CLEC16A: variants seen among roughly 807,000 people sequenced by gnomAD.
CLEC16A encodes C-type lectin domain containing 16A.
CLEC16A carries 51 observed loss-of-function variants against 109.5 expected under a neutral mutation model. The observed-to-expected ratio is 0.47, with a 90% CI of 0.37 to 0.59. CLEC16A has a LOEUF of 0.59. Among genes scored for constraint, CLEC16A ranks in the 20% least tolerant of loss-of-function variants. The probability of loss-of-function intolerance (pLI) is 0.00; values close to 1 mark genes in which losing one functional copy is unlikely to be tolerated. For missense variants in CLEC16A, 1,339 were observed against 1,394.0 expected, an observed-to-expected ratio of 0.96 and a Z score of 0.63; for synonymous variants, 673 against 564.2, an observed-to-expected ratio of 1.19 and a Z score of -2.73.
chr16:10,995,660 C>G (rs2044282864), intron 10 of CLEC16A, among the ~76,000 whole-genome samples: 1 of 152,184 alleles, frequency 6.6e-6, no homozygotes, highest in African/African-American at 2.4e-5. Context: ...CACACTACCC[C>G]CATGGTGGCG....
At chr16:11,054,392 G>T (rs532761502) in intron 18 of CLEC16A, among the ~76,000 whole-genome samples, 4 of 152,230 alleles carry the variant, frequency 2.6e-5, no homozygotes, top group African/African-American at 7.2e-5. Context: ...GGCAGGTCTC[G>T]ATGATAGTCT....
chr16:11,032,322 G>A (rs1055784565), intron 13 of CLEC16A, among the ~76,000 whole-genome samples: 3 of 152,310 alleles, frequency 2.0e-5, no homozygotes, highest in Non-Finnish European at 2.9e-5. Flanking sequence ...CCTATGAGCC[G>A]TGTGGGGCTG....
intron 3 of CLEC16A, among the ~76,000 whole-genome samples, chr16:10,963,066 CA>C (rs1206248363): frequency 1.3e-5 from 2 of 148,876 alleles, no homozygotes; most frequent in Non-Finnish European, 1.5e-5. Context: ...CCAACAACAA[CA>C]AAAAAAAAAG....
chr16:10,995,494 C>T (rs1275371689), intron 10 of CLEC16A, among the ~76,000 whole-genome samples: 1 of 152,196 alleles, frequency 6.6e-6, no homozygotes, highest in Non-Finnish European at 1.5e-5. Flanking sequence ...TTGCTGGGAG[C>T]TTGGGAGTCA....
chr16:10,980,385 G>A (rs1596859800), intron 9 of CLEC16A, among the ~76,000 whole-genome samples: 1 of 152,120 alleles, frequency 6.6e-6, no homozygotes, highest in African/African-American at 2.4e-5. Context: ...TCTCCTGGCA[G>A]CTTTTTTCTG....
chr16:11,171,004 AC>A (rs2068488202), intron 23 of CLEC16A, among the ~76,000 whole-genome samples: 1 of 152,076 alleles, frequency 6.6e-6, no homozygotes, highest in Non-Finnish European at 1.5e-5. Flanking sequence ...ACATGAGGCC[AC>A]CAGGGTCCCA....
chr16:11,135,305 G>C (rs1202381038), intron 22 of CLEC16A, among the ~76,000 whole-genome samples: 1 of 152,170 alleles, frequency 6.6e-6, no homozygotes, highest in Non-Finnish European at 1.5e-5. Flanking sequence ...AGAGCCTCAG[G>C]GAATCTGGAG....
chr16:11,052,808 T>TC (rs1162621685), intron 18 of CLEC16A, among the ~76,000 whole-genome samples: 1 of 152,058 alleles, frequency 6.6e-6, no homozygotes, highest in Admixed American at 6.5e-5. Context: ...ACCTGGGAGA[T>TC]CCCCCCGCAC....
chr16:11,158,756 C>G (rs1306021472), intron 22 of CLEC16A, among the ~76,000 whole-genome samples: 1 of 152,070 alleles, frequency 6.6e-6, no homozygotes, highest in Non-Finnish European at 1.5e-5. Context: ...CCCATCTCTA[C>G]TAAAAATACA....
At chr16:10,957,157 G>A (rs1464635008) in intron 1 of CLEC16A, among the ~76,000 whole-genome samples, 2 of 152,136 alleles carry the variant, frequency 1.3e-5, no homozygotes, top group East Asian at 1.9e-4. Flanking sequence ...ATTGCCCTTG[G>A]GCTGCAAACC....
chr16:11,035,860 A>C (rs749571784), intron 13 of CLEC16A, among the ~76,000 whole-genome samples: 1 of 152,220 alleles, frequency 6.6e-6, no homozygotes, highest in Non-Finnish European at 1.5e-5. Context: ...GGCCTCCTTC[A>C]AAACACTGGA....
At chr16:11,088,533 C>T (rs1192788215) in intron 19 of CLEC16A, among the ~76,000 whole-genome samples, 5 of 152,192 alleles carry the variant, frequency 3.3e-5, no homozygotes, top group Non-Finnish European at 1.5e-5. Flanking sequence ...CATGGCGACC[C>T]CTGGGTAGGA....
Position 11,179,460 on chromosome 16 carries a change from G to A in CLEC16A, c.*770G>A, listed in dbSNP as rs1267705480. The A allele has an allele frequency of 6.6e-6, 1 of 152,180 alleles. No individual in the cohort carries two copies. Among genetic ancestry groups the A allele is most frequent in the African/African-American group, 2.4e-5 (1 of 41,436 alleles). The allele number at this position is 152,180 out of a possible 1,614,324, so 9.4% of individuals were successfully genotyped here. On this transcript the variant is annotated 3_prime_UTR_variant, in exon 24 of 24. Transcript: ENST00000409790. Reference sequence around the variant, plus strand: ...CTCAGGTACACACAGAGCTGAGAGGGCTGAATGGTTTTCTGCTATAGCAGC... The same window carrying A: ...CTCAGGTACACACAGAGCTGAGAGGACTGAATGGTTTTCTGCTATAGCAGC...
At chr16:11,116,173 T>TGCCTGG (rs2051974479) in intron 19 of CLEC16A, among the ~76,000 whole-genome samples, 1 of 151,844 alleles carries the variant, frequency 6.6e-6, no homozygotes, top group African/African-American at 2.4e-5. Context: ...GCGGATCACT[T>TGCCTGG]GAGGCCAGGA....
intron 22 of CLEC16A, among the ~76,000 whole-genome samples, chr16:11,161,133 C>T (rs1276817961): frequency 6.6e-6 from 1 of 152,202 alleles, no homozygotes; most frequent in East Asian, 1.9e-4. Context: ...GTGAACAAAA[C>T]CCTCTTAACC....
At chr16:11,144,102 C>T (rs1326308682) in intron 22 of CLEC16A, among the ~76,000 whole-genome samples, 2 of 152,170 alleles carry the variant, frequency 1.3e-5, no homozygotes, top group African/African-American at 4.8e-5. Context: ...CCCTGTCGCT[C>T]GGCACTTTCT....
intron 11 of CLEC16A, among the ~76,000 whole-genome samples, chr16:11,015,349 G>A (rs1254949300): frequency 6.6e-6 from 1 of 151,850 alleles, no homozygotes; most frequent in African/African-American, 2.4e-5. Context: ...GAGGAAGGGG[G>A]AGCGGTCCTG....
chr16:11,115,293 GA>G (rs1423316369), intron 19 of CLEC16A, among the ~76,000 whole-genome samples: 2 of 152,172 alleles, frequency 1.3e-5, no homozygotes, highest in African/African-American at 4.8e-5. Flanking sequence ...AGAAAGAAAG[GA>G]AAGAACATGT....
Position 11,024,906 on chromosome 16 carries a change from A to G in CLEC16A, c.1522A>G (p.Met508Val), listed in dbSNP as rs1344276156. ...GTTCGTGCTCTGCCTCCTCTATGCC[A>G]TGTCTCATAATAAAGGTAAGCACCC... ...ALFVLCLLYAMSHNKGMDPEK... is the reference protein window; with the variant it reads ...ALFVLCLLYAVSHNKGMDPEK... Residue 508 changes from methionine to valine, a missense_variant, in exon 13 of 24, where the codon ATG (methionine) becomes GTG (valine). Physicochemically the swap from Met to Val is conservative, Grantham distance 21. This residue lies in a region of CLEC16A where 1,061 missense variants were observed against 1,006.8 expected (regional missense o/e 1.05). Coordinates refer to ENST00000409790, the MANE Select transcript of CLEC16A (RefSeq NM_015226.3). 6.2e-7 allele frequency: 1 copy of G among 1,607,326 alleles called. No homozygotes were observed. Among genetic ancestry groups the G allele is most frequent in the African/African-American group, 1.3e-5 (1 of 74,750 alleles).
Sources: gnomAD v4.1 joint callset for allele counts (sites outside exome capture counted in the v4.1 genomes callset) on GRCh38, gnomAD v4.1.1 for gene constraint, gnomAD v4.1.1 regional missense constraint, MANE v1.5 for transcripts, NCBI Gene and HGNC (gene_info 2026-07-23, HGNC 2026-07-21) for gene names.